The following PIWIL1 variants were observed in gnomAD, a reference collection of about 807,000 sequenced individuals.
PIWIL1 encodes the protein piwi-like protein 1.
In PIWIL1, 73 loss-of-function variants were observed where a neutral mutation model predicts 114.4. That is an observed-to-expected ratio of 0.64 (90% CI 0.53 to 0.78). The LOEUF (loss-of-function observed/expected upper bound fraction) is 0.78, where lower values mean the gene tolerates loss of function less well. PIWIL1 is among the 30% of genes least tolerant of loss of function. The pLI is 0.00. For synonymous variants in PIWIL1, 375 were observed against 369.0 expected, an observed-to-expected ratio of 1.02 and a Z score of -0.19; for missense variants, 723 against 1,063.1, an observed-to-expected ratio of 0.68 and a Z score of 4.45.
At chr12:130,364,822 T>G (rs760612283) in intron 18 of PIWIL1, among the ~76,000 whole-genome samples, 2 of 152,174 alleles carry the variant, frequency 1.3e-5, no homozygotes, top group Non-Finnish European at 2.9e-5. Context: ...GAGCACACAG[T>G]GTTTTCTAGT....
rs551046310 is a variant in PIWIL1 at position 130,370,846 on chromosome 12, CG to C, written c.2322-325del. On this transcript the variant is annotated intron_variant, in intron 19 of 20. Transcript: ENST00000245255. ...AGTCTGAAGGCTCAGTCACATGGTT[CG>C]GGGGTCGGGGTGGAAAACAGGAACT... is the stretch of plus-strand genomic sequence containing the variant. Among the ~76,000 whole-genome samples the C allele has an allele frequency of 3.6e-3, 546 of 152,258 alleles. 2 individuals carry two copies. Among genetic ancestry groups the C allele is most frequent in the African/African-American group, 0.012 (519 of 41,556 alleles).
chr12:130,349,529 T>C (rs1172101533), intron 8 of PIWIL1, 93 bp downstream of exon 8: 13 of 867,578 alleles, frequency 1.5e-5, no homozygotes, highest in Non-Finnish European at 2.2e-5. Flanking sequence ...GTGTTTAAAA[T>C]TGAGTGGTGG....
intron 9 of PIWIL1, chr12:130,351,362 C>G (rs555274549): frequency 4.3e-4 from 65 of 152,264 alleles, no homozygotes; most frequent in African/African-American, 1.5e-3. Context: ...TGTTCACTCC[C>G]TGGGTGATTT....
intron 1 of PIWIL1, among the ~76,000 whole-genome samples, chr12:130,341,007 A>G (rs1371459847): frequency 2.0e-5 from 3 of 152,204 alleles, no homozygotes; most frequent in Non-Finnish European, 4.4e-5. Context: ...CATTAGATTT[A>G]TCTTTCTGTG....
intron 4 of PIWIL1, 91 bp downstream of exon 4, chr12:130,345,969 C>A: frequency 1.4e-6 from 2 of 1,391,362 alleles, no homozygotes; most frequent in Non-Finnish European, 2.0e-6. Context: ...TTTATTTGGC[C>A]AAGGATCCTG....
intron 8 of PIWIL1, 85 bp from the exon 9 acceptor site, chr12:130,349,771 G>C: frequency 5.1e-6 from 4 of 782,508 alleles, no homozygotes; most frequent in Non-Finnish European, 8.2e-6. Flanking sequence ...TGAAATTTTA[G>C]AGAATACATG....
At chr12:130,342,953 G>A in intron 2 of PIWIL1, 37 bp from the exon 3 acceptor site, 1 of 1,512,100 alleles carries the variant, frequency 6.6e-7, no homozygotes, top group African/African-American at 1.4e-5. Flanking sequence ...CTGACCGCTT[G>A]ACGAAAAGAA....
At chr12:130,387,936 C>T in the PIWIL1 span, among the ~76,000 whole-genome samples, 1 of 152,182 alleles carries the variant, frequency 6.6e-6, no homozygotes, top group African/African-American at 2.4e-5. Context: ...AACTTTTGCT[C>T]TAACCCAAAG....
chr12:130,340,376 C>G (rs922195665), intron 1 of PIWIL1, among the ~76,000 whole-genome samples: 10 of 151,878 alleles, frequency 6.6e-5, no homozygotes, highest in Middle Eastern at 6.3e-3. Context: ...TTCCACGGAC[C>G]GGTGAGGGAT....
chr12:130,363,913 C>T (rs1341930335), intron 18 of PIWIL1, among the ~76,000 whole-genome samples: 1 of 152,150 alleles, frequency 6.6e-6, no homozygotes, highest in African/African-American at 2.4e-5. Flanking sequence ...CCACAACTCC[C>T]AGCCTCTACT....
chr12:130,385,375 G>A, the PIWIL1 span, among the ~76,000 whole-genome samples: 660 of 152,160 alleles, frequency 4.3e-3, 3 homozygotes, highest in African/African-American at 0.015. Flanking sequence ...ATCCTTACGT[G>A]GGTTTTTTAG....
the PIWIL1 span, chr12:130,424,336 C>T: frequency 7.3e-6 from 9 of 1,231,920 alleles, no homozygotes; most frequent in Non-Finnish European, 9.1e-6. This position sits in a 1 kb window ranked among gnomAD's most constrained non-coding sequence, Gnocchi z 9.8. Flanking sequence ...CCACCAGGGC[C>T]CACCTGCTCC....
At chr12:130,383,615 G>T in the PIWIL1 span, 3 of 152,286 alleles carry the variant, frequency 2.0e-5, no homozygotes, top group African/African-American at 7.2e-5. Flanking sequence ...ACTCCAGATT[G>T]GGGCGCTTTT....
chr12:130,385,678 G>A, the PIWIL1 span, among the ~76,000 whole-genome samples: 4 of 152,108 alleles, frequency 2.6e-5, no homozygotes, highest in Admixed American at 1.3e-4. Flanking sequence ...TCAGCTTTCC[G>A]GATCAGTTTG....
chr12:130,345,356 G>T, intron 3 of PIWIL1: 1 of 153,930 alleles, frequency 6.5e-6, no homozygotes, highest in Non-Finnish European at 1.4e-5. Context: ...AGTTGTAATT[G>T]CATCATGACA....
the PIWIL1 span, among the ~76,000 whole-genome samples, chr12:130,382,357 C>T: frequency 2.6e-4 from 40 of 152,310 alleles, no homozygotes; most frequent in African/African-American, 9.6e-4. Flanking sequence ...TCTGGTAAGC[C>T]TGGACCTGTG....
At chr12:130,390,843 G>T in the PIWIL1 span, among the ~76,000 whole-genome samples, 1 of 152,124 alleles carries the variant, frequency 6.6e-6, no homozygotes, top group Admixed American at 6.5e-5. Context: ...TGGGCTAGAC[G>T]GTGGGCTGGC....
chr12:130,338,113 A>G lies in PIWIL1; in HGVS notation c.-46A>G. On this transcript the variant is annotated 5_prime_UTR_variant, in exon 1 of 21. Transcript: ENST00000245255. ...GCTGTTGGCCTCGGGCTGAGGTGCA[A>G]GGACCAGGACTAGGGCGAGGGCAGC... is the stretch of plus-strand genomic sequence containing the variant. 1 of 238,640 alleles carries G rather than the reference A, an allele frequency of 4.2e-6. No homozygotes were observed. Among genetic ancestry groups the G allele is most frequent in the Non-Finnish European group, 8.2e-6 (1 of 121,384 alleles). The allele number at this position is 238,640 out of a possible 1,614,324, so 14.8% of individuals were successfully genotyped here.
At chr12:130,377,816 G>A in the PIWIL1 span, among the ~76,000 whole-genome samples, 1 of 152,226 alleles carries the variant, frequency 6.6e-6, no homozygotes, top group Non-Finnish European at 1.5e-5. Context: ...GGGCCTGGGG[G>A]CTGCATCTGG....
Sources: allele counts gnomAD v4.1 joint callset (sites outside exome capture counted in the v4.1 genomes callset), GRCh38; gene constraint gnomAD v4.1.1; non-coding constraint Gnocchi (gnomAD v3.1); transcripts MANE v1.5; gene names NCBI Gene and HGNC (gene_info 2026-07-23, HGNC 2026-07-21).